KLHL32: variants seen among roughly 807,000 people sequenced by gnomAD.
The protein encoded by KLHL32 is kelch like family member 32.
Under a neutral mutation model 64.8 loss-of-function variants are expected in KLHL32, and 35 were observed. The ratio of observed to expected loss-of-function variants is 0.54; its 90% CI spans 0.41 to 0.72. The LOEUF (loss-of-function observed/expected upper bound fraction) is 0.72, where lower values mean the gene tolerates loss of function less well. KLHL32 is among the 30% of genes least tolerant of loss of function. The pLI is 0.00. For synonymous variants in KLHL32, 259 were observed against 281.0 expected, an observed-to-expected ratio of 0.92 and a Z score of 0.78; for missense variants, 589 against 768.5, an observed-to-expected ratio of 0.77 and a Z score of 2.76.
In KLHL32 at chr6:97,111,504, G is replaced by A. The variant is rs138254704; in HGVS notation, c.628-2279G>A. ...ACCCCTCATGGGACGGAACATGCAG[G>A]TGAGTGAGTGCAGGACCTGGCAAGT... On this transcript the variant is annotated intron_variant, in intron 6 of 10. Coordinates refer to ENST00000369261, the MANE Select transcript of KLHL32 (RefSeq NM_052904.4). Among the ~76,000 whole-genome samples, 496 of 152,312 alleles carry A rather than the reference G, an allele frequency of 3.3e-3. 3 individuals carry two copies. The highest frequency in any genetic ancestry group is 0.011 in the African/African-American group (469 of 41,568).
At chr6:97,082,085 T>C (rs1792628442) in intron 5 of KLHL32, among the ~76,000 whole-genome samples, 1 of 152,126 alleles carries the variant, frequency 6.6e-6, no homozygotes. Flanking sequence ...AAGAGAGGAT[T>C]GAGAGTTTGC....
intron 5 of KLHL32, among the ~76,000 whole-genome samples, chr6:97,069,118 G>GTGCACA (rs1790291151): frequency 6.6e-6 from 1 of 152,122 alleles, no homozygotes; most frequent in African/African-American, 2.4e-5. Flanking sequence ...TGTTTACAGC[G>GTGCACA]TGCACATGTG....
At chr6:97,036,672 G>A (rs1784336896) in intron 3 of KLHL32, among the ~76,000 whole-genome samples, 1 of 152,188 alleles carries the variant, frequency 6.6e-6, no homozygotes, top group Non-Finnish European at 1.5e-5. Context: ...ACTGGTTTTG[G>A]GGATTGTGTG....
intron 1 of KLHL32, among the ~76,000 whole-genome samples, chr6:96,936,510 A>G (rs948546663): frequency 2.0e-5 from 3 of 152,214 alleles, no homozygotes; most frequent in African/African-American, 7.2e-5. Flanking sequence ...CTCACAACTT[A>G]CATCCAAACA....
intron 4 of KLHL32, among the ~76,000 whole-genome samples, chr6:97,057,597 A>G (rs1411589433): frequency 2.1e-5 from 3 of 141,648 alleles, no homozygotes; most frequent in Non-Finnish European, 4.5e-5. Context: ...CATTTTTTTC[A>G]TTGTTGAGTG....
chr6:97,014,258 G>C (rs542016717), intron 3 of KLHL32, among the ~76,000 whole-genome samples: 1 of 150,464 alleles, frequency 6.6e-6, no homozygotes, highest in East Asian at 2.0e-4. Flanking sequence ...TCGCGCCACT[G>C]CACTCCAACC....
At chr6:97,000,852 A>G (rs1271193216) in intron 3 of KLHL32, among the ~76,000 whole-genome samples, 2 of 152,340 alleles carry the variant, frequency 1.3e-5, no homozygotes, top group South Asian at 2.1e-4. Flanking sequence ...GTCTGTAATA[A>G]AAAGAAATGA....
intron 3 of KLHL32, among the ~76,000 whole-genome samples, chr6:97,028,391 CCA>C (rs940366889): frequency 2.0e-5 from 3 of 152,166 alleles, no homozygotes; most frequent in Non-Finnish European, 4.4e-5. Flanking sequence ...GCTTTGAAAA[CCA>C]CACAGGAGTC....
At chr6:96,937,196 C>T (rs189385197) in intron 1 of KLHL32, among the ~76,000 whole-genome samples, 160 of 152,218 alleles carry the variant, frequency 1.1e-3, no homozygotes, top group African/African-American at 3.7e-3. Context: ...TTTCTGTCAC[C>T]GCAAAATGTT....
At chr6:96,927,019 A>C (rs1425577833) in intron 1 of KLHL32, among the ~76,000 whole-genome samples, 1 of 152,220 alleles carries the variant, frequency 6.6e-6, no homozygotes, top group African/African-American at 2.4e-5. Flanking sequence ...TTTTTATTTC[A>C]ATATTAAAGT....
chr6:97,050,276 C>G (rs1252567452), intron 4 of KLHL32, among the ~76,000 whole-genome samples: 1 of 152,064 alleles, frequency 6.6e-6, no homozygotes, highest in Admixed American at 6.6e-5. Context: ...ATGCGCAACC[C>G]CCCAACCCAA....
chr6:97,096,434 T>C (rs1795000036), intron 6 of KLHL32, among the ~76,000 whole-genome samples: 1 of 152,330 alleles, frequency 6.6e-6, no homozygotes, highest in Non-Finnish European at 1.5e-5. Flanking sequence ...TAGAAGCTTA[T>C]TTTCACCACT....
intron 3 of KLHL32, among the ~76,000 whole-genome samples, chr6:96,991,721 A>G (rs1777897260): frequency 6.6e-6 from 1 of 151,604 alleles, no homozygotes; most frequent in South Asian, 2.1e-4. Context: ...CGAGGGCTTC[A>G]GAGCAGCAAA....
intron 1 of KLHL32, among the ~76,000 whole-genome samples, chr6:96,945,210 T>C (rs182627834): frequency 6.6e-6 from 1 of 152,388 alleles, no homozygotes; most frequent in East Asian, 1.9e-4. Context: ...AGCACATGGC[T>C]GTGCCAGCCC....
In KLHL32 at chr6:97,136,960, A is replaced by G. The variant is rs189533859; in HGVS notation, c.1702-2161A>G. Among the ~76,000 whole-genome samples the G allele has an allele frequency of 3.6e-3, 555 of 152,278 alleles. 1 individual carries two copies. The highest frequency in any genetic ancestry group is 0.012 in the African/African-American group (510 of 41,556). On this transcript the variant is annotated intron_variant, in intron 10 of 10. Transcript: ENST00000369261. The stretch of plus-strand genomic sequence containing the variant: ...CTTTCTGGGTTGCGTCTTGAGCTCA[A>G]ATACTGGCTCCACCACTTGCCGTGT...
chr6:97,031,145 T>C (rs988015930), intron 3 of KLHL32, among the ~76,000 whole-genome samples: 7 of 152,194 alleles, frequency 4.6e-5, no homozygotes, highest in African/African-American at 1.4e-4. Context: ...TTGGATAGAC[T>C]AGGCAACTGG....
At chr6:97,006,306 T>C (rs1241405152) in intron 3 of KLHL32, among the ~76,000 whole-genome samples, 2 of 152,228 alleles carry the variant, frequency 1.3e-5, no homozygotes, top group Non-Finnish European at 2.9e-5. Flanking sequence ...TTATAGTCTT[T>C]TTTGCCTGAT....
intron 7 of KLHL32, among the ~76,000 whole-genome samples, chr6:97,117,456 C>T (rs1204998342): frequency 6.6e-6 from 1 of 152,260 alleles, no homozygotes; most frequent in South Asian, 2.1e-4. Flanking sequence ...CTCACTCCCT[C>T]TCCACACCTC....
chr6:97,019,725 A>G (rs1781726091), intron 3 of KLHL32, among the ~76,000 whole-genome samples: 1 of 152,210 alleles, frequency 6.6e-6, no homozygotes, highest in Admixed American at 6.5e-5. Context: ...GTAATAAAAT[A>G]ATTGGAAGTA....
Sources: allele counts gnomAD v4.1 joint callset (sites outside exome capture counted in the v4.1 genomes callset), GRCh38; gene constraint gnomAD v4.1.1; transcripts MANE v1.5; gene names NCBI Gene and HGNC (gene_info 2026-07-23, HGNC 2026-07-21).